Variants in DNAH7 observed in about 807,000 individuals in gnomAD.
DNAH7 encodes the protein dynein axonemal heavy chain 7.
DNAH7 carries 397 observed loss-of-function variants against 444.6 expected under a neutral mutation model. The observed-to-expected ratio is 0.89, with a 90% CI of 0.82 to 0.97. The LOEUF (loss-of-function observed/expected upper bound fraction) is 0.97, where lower values mean the gene tolerates loss of function less well. Ranked by LOEUF, DNAH7 falls within the 50% of genes least tolerant of loss-of-function variation. The pLI, the probability that DNAH7 is intolerant of heterozygous loss-of-function variation, is 0.00. For synonymous variants in DNAH7, 1,636 were observed against 1,624.4 expected (o/e 1.01, Z -0.17); for missense variants, 4,902 against 4,800.8 (o/e 1.02, Z -0.62).
chr2:195,970,099 TA>T lies in DNAH7; in HGVS notation c.2059-6del, dbSNP rs1464176921. The T allele has an allele frequency of 6.3e-7, 1 of 1,588,926 alleles. No homozygotes were observed. The highest frequency in any genetic ancestry group is 8.5e-7 in the Non-Finnish European group (1 of 1,171,916). On this transcript the variant is annotated splice_region_variant and splice_polypyrimidine_tract_variant and intron_variant, in intron 16 of 64. Transcript: ENST00000312428. ...CACAAACCGTTCACACCGTAACTAA[TA>T]AAAACAATTTGTTGTTAATATTCTT...
intron 15 of DNAH7, among the ~76,000 whole-genome samples, chr2:195,984,181 T>C (rs2125621333): frequency 6.6e-6 from 1 of 152,230 alleles, no homozygotes; most frequent in African/African-American, 2.4e-5. Flanking sequence ...TGGAGCCAAG[T>C]CAACCTGCTG....
At chr2:196,043,251 C>A (rs184095311) in intron 5 of DNAH7, among the ~76,000 whole-genome samples, 9 of 151,890 alleles carry the variant, frequency 5.9e-5, no homozygotes, top group African/African-American at 1.9e-4. Context: ...GAAAAAAAAG[C>A]CTATCTGTGA....
chr2:195,787,231 C>T lies in DNAH7; in HGVS notation c.10717-60G>A, dbSNP rs142876985. ...TTCTCCATATATTGCATTATATTTA[C>T]CATATTTTAAAATGAAAGCAAATTT... On this transcript the variant is annotated intron_variant, in intron 57 of 64. Transcript: ENST00000312428. 3 of 1,495,434 alleles carry T rather than the reference C, an allele frequency of 2.0e-6. No homozygotes were observed. In the Admixed American group the frequency reaches 7.0e-5, roughly 35 times the overall value. The allele number at this position is 1,495,434 out of a possible 1,614,324, so 92.6% of individuals were successfully genotyped here. A position where few individuals can be genotyped will look rare whatever the true frequency, so the allele number is the denominator to read the frequency against.
intron 15 of DNAH7, among the ~76,000 whole-genome samples, chr2:195,978,246 A>T (rs1692331992): frequency 6.6e-6 from 1 of 152,160 alleles, no homozygotes; most frequent in African/African-American, 2.4e-5. Flanking sequence ...GTTAAAAAGC[A>T]GGGGGATACA....
chr2:195,875,977 T>C, intron 37 of DNAH7, 134 bp from the exon 38 acceptor site: 1 of 762,480 alleles, frequency 1.3e-6, no homozygotes, highest in Non-Finnish European at 1.9e-6. Context: ...GTTTCTTTTC[T>C]AAACAAGGAT....
intron 27 of DNAH7, chr2:195,901,630 G>A (rs1686714689): frequency 6.6e-6 from 1 of 152,108 alleles, no homozygotes; most frequent in African/African-American, 2.4e-5. Flanking sequence ...CTGGCTTCAA[G>A]CGAGGCTCTA....
chr2:195,903,839 C>T (rs1686851415), intron 27 of DNAH7: 1 of 152,128 alleles, frequency 6.6e-6, no homozygotes. Context: ...CACAACCCTC[C>T]TCACTACACC....
At chr2:196,004,838 G>A (rs775824458) in intron 10 of DNAH7, among the ~76,000 whole-genome samples, 1 of 151,804 alleles carries the variant, frequency 6.6e-6, no homozygotes, top group Non-Finnish European at 1.5e-5. Flanking sequence ...ACATGCGCCT[G>A]TGTTCCCAGC....
chr2:195,792,152 G>C (rs13417323), intron 57 of DNAH7, among the ~76,000 whole-genome samples: 1,475 of 116,730 alleles, frequency 0.013, 26 homozygotes, highest in African/African-American at 0.045. Flanking sequence ...GGGCAATAGA[G>C]TGAGACCCTG....
intron 19 of DNAH7, among the ~76,000 whole-genome samples, chr2:195,950,901 T>C (rs1690206335): frequency 6.9e-6 from 1 of 145,516 alleles, no homozygotes; most frequent in Admixed American, 7.1e-5. Context: ...GATTCAATGA[T>C]TTTTTTTGAC....
intron 63 of DNAH7, among the ~76,000 whole-genome samples, chr2:195,746,429 G>C (rs914546560): frequency 2.0e-5 from 3 of 151,734 alleles, no homozygotes; most frequent in Admixed American, 6.6e-5. Flanking sequence ...GTCAATATTA[G>C]AGATCAACGA....
chr2:195,825,502 C>A (rs1008708157), intron 48 of DNAH7, among the ~76,000 whole-genome samples: 2 of 151,826 alleles, frequency 1.3e-5, no homozygotes, highest in Admixed American at 6.5e-5. Context: ...TATTAGTGTT[C>A]TCTTTTTTAA....
At chr2:195,891,850 T>G (rs773331993) in intron 30 of DNAH7, 46 bp from the exon 31 acceptor site, 3 of 1,423,760 alleles carry the variant, frequency 2.1e-6, no homozygotes, top group South Asian at 1.5e-5. Flanking sequence ...AATACTGTCT[T>G]TATTCATAGA....
chr2:195,994,226 G>A, intron 12 of DNAH7: 1 of 294,028 alleles, frequency 3.4e-6, no homozygotes, highest in South Asian at 4.4e-5. Context: ...GATTTGTAAG[G>A]AGAATGCACA....
At chr2:195,846,332 T>G (rs1054234879) in intron 46 of DNAH7, among the ~76,000 whole-genome samples, 1 of 152,130 alleles carries the variant, frequency 6.6e-6, no homozygotes, top group African/African-American at 2.4e-5. Context: ...CCAATCAGAA[T>G]GGCTTTTGTT....
chr2:195,844,886 T>C lies in DNAH7; in HGVS notation c.8945+116A>G, dbSNP rs1698895028. ...GATTACTCATACTTAATTTCACTAATTAGTTAAGTAATTTTTTAATACTGT... is the reference window on the plus strand; with the variant it reads ...GATTACTCATACTTAATTTCACTAACTAGTTAAGTAATTTTTTAATACTGT... On this transcript the variant is annotated intron_variant, in intron 47 of 64. Transcript: ENST00000312428. 7 of 809,132 alleles carry C rather than the reference T, an allele frequency of 8.7e-6. No individual in the cohort carries two copies. In the East Asian group the frequency reaches 1.9e-4, roughly 22 times the overall value. The allele number at this position is 809,132 out of a possible 1,614,324, so 50.1% of individuals were successfully genotyped here.
At chr2:195,761,604 A>G (rs1694354574) in intron 61 of DNAH7, among the ~76,000 whole-genome samples, 1 of 152,148 alleles carries the variant, frequency 6.6e-6, no homozygotes, top group Non-Finnish European at 1.5e-5. Context: ...AAGAAACAAC[A>G]CACAATGGAG....
intron 8 of DNAH7, among the ~76,000 whole-genome samples, chr2:196,022,780 C>T (rs1262083796): frequency 2.0e-5 from 3 of 152,172 alleles, no homozygotes; most frequent in African/African-American, 4.8e-5. Flanking sequence ...ATTTTCTTAA[C>T]GGCACCTACA....
At chr2:196,015,797 A>G (rs1350447658) in intron 9 of DNAH7, among the ~76,000 whole-genome samples, 2 of 152,218 alleles carry the variant, frequency 1.3e-5, no homozygotes, top group Admixed American at 1.3e-4. Context: ...GACTGCCACT[A>G]GAAGCATGCC....
Sources: allele counts gnomAD v4.1 joint callset (sites outside exome capture counted in the v4.1 genomes callset), GRCh38; gene constraint gnomAD v4.1.1; transcripts MANE v1.5; gene names NCBI Gene and HGNC (gene_info 2026-07-23, HGNC 2026-07-21).